The following CCDC178 variants were observed in gnomAD, a reference collection of about 807,000 sequenced individuals.
CCDC178 encodes coiled-coil domain containing 178.
In CCDC178, 126 loss-of-function variants were observed where a neutral mutation model predicts 117.4. That is an observed-to-expected ratio of 1.07 (90% CI 0.93 to 1.24). CCDC178 has a LOEUF of 1.24. CCDC178 is among the 50% of genes most tolerant of loss of function. CCDC178 has a pLI of 0.00. For missense variants in CCDC178, 1,030 were observed against 986.9 expected (o/e 1.04, Z -0.59); for synonymous variants, 283 against 313.4 (o/e 0.90, Z 1.02).
intron 15 of CCDC178, among the ~76,000 whole-genome samples, chr18:33,241,847 A>G (rs1019080069): frequency 1.3e-5 from 2 of 151,798 alleles, no homozygotes; most frequent in Non-Finnish European, 2.9e-5. Context: ...TACTATTCAA[A>G]TCAATCTACA....
At chr18:33,198,122 G>A (rs17667691) in intron 20 of CCDC178, among the ~76,000 whole-genome samples, 9,186 of 152,180 alleles carry the variant, frequency 0.06, 381 homozygotes, top group Non-Finnish European at 0.087. Flanking sequence ...ACAGGACACT[G>A]CAAGTCATAT....
intron 21 of CCDC178, among the ~76,000 whole-genome samples, chr18:33,044,182 T>C (rs2056601699): frequency 6.6e-6 from 1 of 151,946 alleles, no homozygotes; most frequent in Non-Finnish European, 1.5e-5. Context: ...TTATAATACA[T>C]TTAAGCAAGG....
intron 21 of CCDC178, among the ~76,000 whole-genome samples, chr18:33,080,818 T>C (rs2145032259): frequency 6.6e-6 from 1 of 152,300 alleles, no homozygotes; most frequent in East Asian, 1.9e-4. Flanking sequence ...TGCAACTCAA[T>C]GATTTACACT....
intron 21 of CCDC178, among the ~76,000 whole-genome samples, chr18:33,081,221 T>G (rs1816088743): frequency 6.6e-6 from 1 of 152,204 alleles, no homozygotes; most frequent in African/African-American, 2.4e-5. Flanking sequence ...CTATTATTAA[T>G]ATAATTGTTT....
At chr18:33,070,136 A>T (rs1188420249) in intron 21 of CCDC178, among the ~76,000 whole-genome samples, 1 of 152,074 alleles carries the variant, frequency 6.6e-6, no homozygotes, top group Non-Finnish European at 1.5e-5. Context: ...AAAAGCTAAA[A>T]ACAGAACTAC....
At chr18:32,988,600 T>TA in intron 21 of CCDC178, among the ~76,000 whole-genome samples, 1 of 151,892 alleles carries the variant, frequency 6.6e-6, no homozygotes, top group Admixed American at 6.6e-5. Flanking sequence ...CATCCAAATT[T>TA]AAAAAAATAT....
intron 20 of CCDC178, among the ~76,000 whole-genome samples, chr18:33,148,014 A>G (rs867572999): frequency 1.8e-4 from 28 of 151,942 alleles, no homozygotes; most frequent in African/African-American, 6.3e-4. Context: ...TCCCTCCCGG[A>G]CGGGGCGGCT....
At chr18:33,368,671 A>G (rs1019153214) in intron 6 of CCDC178, among the ~76,000 whole-genome samples, 3 of 151,948 alleles carry the variant, frequency 2.0e-5, no homozygotes, top group African/African-American at 4.8e-5. Flanking sequence ...GTGAATCCCA[A>G]TTCTGCCTTG....
chr18:32,984,771 G>T (rs779604495), intron 21 of CCDC178, among the ~76,000 whole-genome samples: 17 of 151,966 alleles, frequency 1.1e-4, no homozygotes, highest in Non-Finnish European at 1.6e-4. Flanking sequence ...AAAAATGGTT[G>T]AAGATAGAAT....
intron 2 of CCDC178, among the ~76,000 whole-genome samples, chr18:33,433,121 C>T (rs1025868945): frequency 2.0e-5 from 3 of 152,026 alleles, no homozygotes; most frequent in Non-Finnish European, 2.9e-5. Context: ...GTTTGGATAA[C>T]GTGAGGGGAG....
chr18:33,261,037 T>C (rs977911308), intron 14 of CCDC178, among the ~76,000 whole-genome samples: 1 of 152,166 alleles, frequency 6.6e-6, no homozygotes, highest in African/African-American at 2.4e-5. Flanking sequence ...ATTTTCTCCT[T>C]CTTTAATTTT....
At chr18:33,007,813 G>T (rs2055781907) in intron 21 of CCDC178, among the ~76,000 whole-genome samples, 1 of 152,068 alleles carries the variant, frequency 6.6e-6, no homozygotes, top group South Asian at 2.1e-4. Context: ...AACAAGGGCT[G>T]AATTTTTCAC....
chr18:33,099,906 T>A (rs2057599159), intron 20 of CCDC178, among the ~76,000 whole-genome samples: 1 of 152,064 alleles, frequency 6.6e-6, no homozygotes, highest in African/African-American at 2.4e-5. Flanking sequence ...AGAACATTCT[T>A]GATTTGTAAA....
intron 12 of CCDC178, among the ~76,000 whole-genome samples, chr18:33,285,057 T>G (rs1318022337): frequency 6.6e-6 from 1 of 151,978 alleles, no homozygotes; most frequent in Non-Finnish European, 1.5e-5. Flanking sequence ...ACATTAAAAG[T>G]TTGAAAATTC....
intron 21 of CCDC178, among the ~76,000 whole-genome samples, chr18:33,038,328 C>G (rs546821866): frequency 6.6e-6 from 1 of 152,014 alleles, no homozygotes; most frequent in African/African-American, 2.4e-5. Context: ...AGTTAGACTA[C>G]AAAGCAGATA....
At chr18:33,228,629 T>C (rs1044404226) in intron 15 of CCDC178, among the ~76,000 whole-genome samples, 7 of 152,228 alleles carry the variant, frequency 4.6e-5, no homozygotes, top group African/African-American at 1.7e-4. Flanking sequence ...AGCTTCTGTC[T>C]AGCGTCTCAA....
chr18:33,228,668 A>T (rs2059336193), intron 15 of CCDC178, among the ~76,000 whole-genome samples: 1 of 152,218 alleles, frequency 6.6e-6, no homozygotes, highest in Admixed American at 6.5e-5. Context: ...ATTTTCTACC[A>T]TGCCCCCAAA....
At chr18:33,296,268 G>T (rs953640107) in intron 11 of CCDC178, among the ~76,000 whole-genome samples, 4 of 152,054 alleles carry the variant, frequency 2.6e-5, no homozygotes, top group Admixed American at 6.6e-5. Flanking sequence ...GTGGTTGTCA[G>T]GAGACAGAGA....
intron 21 of CCDC178, among the ~76,000 whole-genome samples, chr18:33,070,122 C>A (rs573481042): frequency 6.6e-6 from 1 of 151,960 alleles, no homozygotes; most frequent in Non-Finnish European, 1.5e-5. Context: ...ATGGAAGTTC[C>A]TCGAAAAGCT....
Sources: gnomAD v4.1 joint callset for allele counts (sites outside exome capture counted in the v4.1 genomes callset) on GRCh38, gnomAD v4.1.1 for gene constraint, MANE v1.5 for transcripts, NCBI Gene and HGNC (gene_info 2026-07-23, HGNC 2026-07-21) for gene names.